Variants in KDM1B observed in about 807,000 individuals in gnomAD.
KDM1B encodes lysine-specific histone demethylase 2.
KDM1B carries 63 observed loss-of-function variants against 107.4 expected under a neutral mutation model. The observed-to-expected ratio is 0.59, with a 90% CI of 0.48 to 0.72. The LOEUF is 0.72. Among genes scored for constraint, KDM1B ranks in the 30% least tolerant of loss-of-function variants. The probability of loss-of-function intolerance (pLI) is 0.00; values close to 1 mark genes in which losing one functional copy is unlikely to be tolerated. For missense variants in KDM1B, 749 were observed against 1,020.8 expected (o/e 0.73, Z 3.63); for synonymous variants, 363 against 363.9 (o/e 1.00, Z 0.03).
intron 2 of KDM1B, among the ~76,000 whole-genome samples, chr6:18,158,423 A>G (rs1784772827): frequency 1.3e-5 from 2 of 151,982 alleles, no homozygotes. Context: ...GTTTTTCCAT[A>G]GGATGTTAAT....
At chr6:18,221,414 G>A (rs142063533) in intron 21 of KDM1B, among the ~76,000 whole-genome samples, 124 of 152,120 alleles carry the variant, frequency 8.2e-4, no homozygotes, top group African/African-American at 1.7e-3. Flanking sequence ...TTATTGAGTC[G>A]TTTTACTTCC....
At chr6:18,161,476 G>GTGAGACATTTCT (rs765809206) in intron 4 of KDM1B, 22 bp downstream of exon 4, 94 of 1,611,254 alleles carry the variant, frequency 5.8e-5, no homozygotes, top group Non-Finnish European at 7.5e-5. Flanking sequence ...TGTGTGTCTT[G>GTGAGACATTTCT]GCCTCCCATT....
At chr6:18,176,428 G>A (rs761676148) in intron 7 of KDM1B, among the ~76,000 whole-genome samples, 2 of 152,050 alleles carry the variant, frequency 1.3e-5, no homozygotes, top group African/African-American at 2.4e-5. Context: ...CCTCTTTACC[G>A]ATTTGGATGC....
chr6:18,201,124 G>C lies in KDM1B; in HGVS notation c.1360-362G>C, dbSNP rs1788001034. Among the ~76,000 whole-genome samples, 1 of 152,224 alleles carries C rather than the reference G, an allele frequency of 6.6e-6. No homozygotes were observed. On this transcript the variant is annotated intron_variant, in intron 13 of 21. Coordinates refer to ENST00000650836, the MANE Select transcript of KDM1B (RefSeq NM_001364614.2). This position sits in a 1 kb window ranked among gnomAD's most constrained non-coding sequence, Gnocchi z 4.3. ...GATGGTCAATTCAATTTCAACTTCT[G>C]CTATGAGTGTTTGTGTGTTTGTGTG...
Position 18,213,545 on chromosome 6 carries a change from C to G in KDM1B, c.1984-111C>G. 1 of 1,081,052 alleles carries G rather than the reference C, an allele frequency of 9.3e-7. No individual in the cohort carries two copies. The highest frequency in any genetic ancestry group is 1.4e-6 in the Non-Finnish European group (1 of 721,552). The allele number at this position is 1,081,052 out of a possible 1,614,324, so 67.0% of individuals were successfully genotyped here. ...GGAAAGAGCGGTATTTGGGGTTGTT[C>G]TTTCGGGCAGTGTCTTTGTTTTAGA... On this transcript the variant is annotated intron_variant, in intron 18 of 21. Coordinates refer to ENST00000650836, the MANE Select transcript of KDM1B (RefSeq NM_001364614.2). The surrounding 1 kb of genome is among the most constrained non-coding windows in gnomAD (Gnocchi z 5.9).
chr6:18,223,440 TGA>T lies in KDM1B; in HGVS notation c.*1451_*1452del, dbSNP rs1164861664. On this transcript the variant is annotated 3_prime_UTR_variant, in exon 22 of 22. Coordinates refer to ENST00000650836, the MANE Select transcript of KDM1B (RefSeq NM_001364614.2). ...CAACTCTGATATTTAGGTTATTTGT[TGA>T]GACTCATTGGTACTGACTGGCAAGT... 6.6e-6 allele frequency: 1 copy of T among 150,960 alleles called. No individual in the cohort carries two copies. The highest frequency in any genetic ancestry group is 1.5e-5 in the Non-Finnish European group (1 of 67,802). 9.4% of individuals were successfully genotyped at this position (150,960 alleles called of 1,614,324 possible).
intron 15 of KDM1B, among the ~76,000 whole-genome samples, chr6:18,206,084 C>T (rs572258959): frequency 1.3e-5 from 2 of 151,786 alleles, no homozygotes; most frequent in African/African-American, 2.4e-5. Context: ...AATGATTCTC[C>T]TTAAAAGTTT....
Position 18,203,307 on chromosome 6 carries a change from T to G in KDM1B, c.1531+1650T>G, listed in dbSNP as rs1788164486. Among the ~76,000 whole-genome samples the G allele has an allele frequency of 6.6e-6, 1 of 152,116 alleles. No individual in the cohort carries two copies. Among genetic ancestry groups the G allele is most frequent in the South Asian group, 2.1e-4 (1 of 4,824 alleles). The stretch of plus-strand genomic sequence containing the variant: ...CAAAACAAATAAAAAACCCAAGTTG[T>G]TAAGGTAGGCTCAGCAATTCTTACT... On this transcript the variant is annotated intron_variant, in intron 14 of 21. Coordinates refer to ENST00000650836, the MANE Select transcript of KDM1B (RefSeq NM_001364614.2). The surrounding 1 kb of genome is among the most constrained non-coding windows in gnomAD (Gnocchi z 5.5).
chr6:18,155,441 C>T lies in KDM1B; in HGVS notation c.-188C>T. 1 of 156,750 alleles carries T rather than the reference C, an allele frequency of 6.4e-6. No homozygotes were observed. Among genetic ancestry groups the T allele is most frequent in the Non-Finnish European group, 1.4e-5 (1 of 72,726 alleles). 9.7% of individuals were successfully genotyped at this position (156,750 alleles called of 1,614,324 possible). The stretch of plus-strand genomic sequence containing the variant: ...CACGCCGTGACAGGGGCGGAAGCGG[C>T]GGCGGCGGCGGCGGCCGAGAAGAGG... On this transcript the variant is annotated 5_prime_UTR_variant, in exon 1 of 22. Transcript: ENST00000650836. This position sits in a 1 kb window ranked among gnomAD's most constrained non-coding sequence, Gnocchi z 6.2.
intron 9 of KDM1B, among the ~76,000 whole-genome samples, chr6:18,188,839 A>G (rs1207045): frequency 0.11 from 15,763 of 149,934 alleles, 909 homozygotes; most frequent in South Asian, 0.22. Flanking sequence ...GCTGGAGTGC[A>G]GTGGCGTGAT....
chr6:18,198,637 C>CA (rs762849198), intron 12 of KDM1B, among the ~76,000 whole-genome samples: 29,732 of 68,368 alleles, frequency 0.43, 6,061 homozygotes, highest in Non-Finnish European at 0.47. Flanking sequence ...GACTCCATCT[C>CA]AAAAAAAAAA....
chr6:18,209,527 C>T lies in KDM1B; in HGVS notation c.1866+1321C>T, dbSNP rs1339890700. ...GGGCAGCAATCCCCGGGCTGCACGT[C>T]GGAACCACCTGGGAGGCGCTTACAA... On this transcript the variant is annotated intron_variant, in intron 17 of 21. Coordinates refer to ENST00000650836, the MANE Select transcript of KDM1B (RefSeq NM_001364614.2). This position sits in a 1 kb window ranked among gnomAD's most constrained non-coding sequence, Gnocchi z 4.3. Among the ~76,000 whole-genome samples the T allele has an allele frequency of 2.6e-5, 4 of 152,188 alleles. No individual in the cohort carries two copies. The highest frequency in any genetic ancestry group is 6.5e-5 in the Admixed American group (1 of 15,282).
At chr6:18,215,444 T>C (rs1290039885) in intron 20 of KDM1B, among the ~76,000 whole-genome samples, 1 of 152,234 alleles carries the variant, frequency 6.6e-6, no homozygotes, top group Admixed American at 6.5e-5. Flanking sequence ...TGGTAGATGC[T>C]GTCTTCTCCC....
intron 12 of KDM1B, among the ~76,000 whole-genome samples, chr6:18,199,336 C>G (rs1177498159): frequency 3.3e-5 from 5 of 152,112 alleles, no homozygotes; most frequent in Admixed American, 6.5e-5. Context: ...CGCCCCATCC[C>G]CAAGTGATGG....
chr6:18,213,838 G>A lies in KDM1B; in HGVS notation c.2109+57G>A. ...TCCGTCTTAAAGTTTAGAATTTGAT[G>A]TGATAATTACTCACCTATCAAGCTC... On this transcript the variant is annotated intron_variant, in intron 19 of 21. Transcript: ENST00000650836. This position sits in a 1 kb window ranked among gnomAD's most constrained non-coding sequence, Gnocchi z 5.9. The A allele has an allele frequency of 2.5e-6, 4 of 1,590,208 alleles. No homozygotes were observed. Among genetic ancestry groups the A allele is most frequent in the Non-Finnish European group, 3.5e-6 (4 of 1,159,034 alleles).
chr6:18,200,652 A>T lies in KDM1B; in HGVS notation c.1359+76A>T. ...CAATTTGCTTGTGTGCAGTATTAAT[A>T]TGCTTCTAAAGTAAATTACATATAA... is the stretch of plus-strand genomic sequence containing the variant. On this transcript the variant is annotated intron_variant, in intron 13 of 21. Coordinates refer to ENST00000650836, the MANE Select transcript of KDM1B (RefSeq NM_001364614.2). This position sits in a 1 kb window ranked among gnomAD's most constrained non-coding sequence, Gnocchi z 4.3. The T allele has an allele frequency of 7.1e-7, 1 of 1,400,126 alleles. No individual in the cohort carries two copies. The highest frequency in any genetic ancestry group is 9.7e-7 in the Non-Finnish European group (1 of 1,028,712). 86.7% of individuals were successfully genotyped at this position (1,400,126 alleles called of 1,614,324 possible).
chr6:18,165,248 A>G (rs1395313249), intron 5 of KDM1B, among the ~76,000 whole-genome samples: 3 of 143,342 alleles, frequency 2.1e-5, no homozygotes, highest in Non-Finnish European at 3.0e-5. Context: ...ATTCTGCCTC[A>G]GCCTCCCAAG....
intron 6 of KDM1B, among the ~76,000 whole-genome samples, chr6:18,170,150 A>C (rs529439297): frequency 6.6e-6 from 1 of 152,210 alleles, no homozygotes; most frequent in Non-Finnish European, 1.5e-5. Context: ...ACCTCAGGTG[A>C]TTCACCTGCC....
intron 3 of KDM1B, 64 bp downstream of exon 3, chr6:18,160,046 G>C (rs1177530829): frequency 1.9e-6 from 2 of 1,074,034 alleles, no homozygotes; most frequent in Non-Finnish European, 2.7e-6. Flanking sequence ...ATTGGGACTG[G>C]AGAATTAGAG....
Sources: gnomAD v4.1 joint callset for allele counts (sites outside exome capture counted in the v4.1 genomes callset) on GRCh38, gnomAD v4.1.1 for gene constraint, Gnocchi (gnomAD v3.1) non-coding constraint, MANE v1.5 for transcripts, NCBI Gene and HGNC (gene_info 2026-07-23, HGNC 2026-07-21) for gene names.